Variants in SRP54 observed in about 807,000 individuals in gnomAD.
SRP54 encodes the protein signal recognition particle subunit SRP54.
A neutral mutation model predicts 64.8 loss-of-function variants in SRP54; 10 were observed. The observed-to-expected ratio is 0.15, with a 90% confidence interval of 0.10 to 0.26. SRP54 has a LOEUF of 0.26. SRP54 is among the 10% of genes least tolerant of loss of function. The pLI is 1.00. For synonymous variants in SRP54, 193 were observed against 185.6 expected, an observed-to-expected ratio of 1.04 and a Z score of -0.32; for missense variants, 325 against 613.7, an observed-to-expected ratio of 0.53 and a Z score of 4.97.
At chr14:34,989,107 G>C (rs2138961349) in intron 1 of SRP54, among the ~76,000 whole-genome samples, 1 of 152,246 alleles carries the variant, frequency 6.6e-6, no homozygotes, top group African/African-American at 2.4e-5. Flanking sequence ...TGAAGCCCCA[G>C]ATACAGAAGG....
At chr14:35,019,702 A>T (rs899726461) in intron 13 of SRP54, among the ~76,000 whole-genome samples, 2 of 152,278 alleles carry the variant, frequency 1.3e-5, no homozygotes, top group African/African-American at 2.4e-5. Context: ...TGCCTCAGAG[A>T]TACTGTGGGT....
chr14:35,013,929 A>T, intron 10 of SRP54, 27 bp downstream of exon 10: 1 of 1,477,270 alleles, frequency 6.8e-7, no homozygotes, highest in Non-Finnish European at 9.4e-7. Flanking sequence ...GGATATAGAA[A>T]AATCTCCAAG....
At position 34,996,704 on chromosome 14, in the gene SRP54, G is replaced by C; in HGVS notation, c.-6G>C. ...TTCTTCGTAAGTACATCTTAAAGCT[G>C]TCAAGATGGTTCTAGCAGACCTTGG... On this transcript the variant is annotated 5_prime_UTR_variant, in exon 2 of 16. Transcript: ENST00000216774. The C allele has an allele frequency of 6.2e-7, 1 of 1,607,814 alleles. No homozygotes were observed. Among genetic ancestry groups the C allele is most frequent in the Middle Eastern group, 1.7e-4 (1 of 6,048 alleles).
In SRP54 at chr14:34,995,150, T is replaced by G. The variant is rs1299509617; in HGVS notation, c.-33-1527T>G. Reference sequence around the variant, plus strand: ...TCAATAAAGGGTGTGTGTGTGTGTGTGTGTGTGTGTGTGTGTGTGTGTGTG... The same window carrying G: ...TCAATAAAGGGTGTGTGTGTGTGTGGGTGTGTGTGTGTGTGTGTGTGTGTG... On this transcript the variant is annotated intron_variant, in intron 1 of 15. Coordinates refer to ENST00000216774, the MANE Select transcript of SRP54 (RefSeq NM_003136.4). Among the ~76,000 whole-genome samples the G allele has an allele frequency of 1.5e-4, 18 of 122,304 alleles. 1 individual carries two copies. Among genetic ancestry groups the G allele is most frequent in the Non-Finnish European group, 2.5e-4 (13 of 51,914 alleles). The allele number at this position is 122,304 out of a possible 152,430, so 80.2% of individuals were successfully genotyped here.
In SRP54 at chr14:34,983,811, A is replaced by G. The variant is rs964068799; in HGVS notation, c.-34+596A>G. Among the ~76,000 whole-genome samples, 6 of 152,340 alleles carry G rather than the reference A, an allele frequency of 3.9e-5. No homozygotes were observed. In the East Asian group the frequency reaches 5.8e-4, roughly 15 times the overall value. ...CTACAAGGATACAGAAATGAATAAC[A>G]CTAACTCTGCCATTGAGAAGCTAAC... On this transcript the variant is annotated intron_variant, in intron 1 of 15. Coordinates refer to ENST00000216774, the MANE Select transcript of SRP54 (RefSeq NM_003136.4).
At chr14:35,001,175 CTT>C (rs10637082) in intron 4 of SRP54, among the ~76,000 whole-genome samples, 155 bp downstream of exon 4, 5 of 129,440 alleles carry the variant, frequency 3.9e-5, no homozygotes, top group East Asian at 2.3e-4. Flanking sequence ...TCTTAGGGAC[CTT>C]TTTTTTTTTT....
chr14:34,997,748 G>A (rs552562526), intron 2 of SRP54, among the ~76,000 whole-genome samples: 37 of 152,214 alleles, frequency 2.4e-4, no homozygotes, highest in Non-Finnish European at 4.9e-4. Context: ...AGTTTCATGT[G>A]ATTATTTATT....
At chr14:34,992,940 A>G (rs1052214218) in intron 1 of SRP54, among the ~76,000 whole-genome samples, 5 of 151,578 alleles carry the variant, frequency 3.3e-5, no homozygotes, top group South Asian at 2.1e-4. Flanking sequence ...GCTCATTGCA[A>G]CCTCCACCTC....
intron 3 of SRP54, among the ~76,000 whole-genome samples, chr14:35,000,327 G>A (rs935338055): frequency 1.1e-4 from 16 of 152,142 alleles, no homozygotes; most frequent in African/African-American, 3.9e-4. Context: ...CAGCACTTTG[G>A]GAGGCTGAGG....
chr14:35,010,702 T>G (rs1392579922), intron 7 of SRP54, among the ~76,000 whole-genome samples: 2 of 151,774 alleles, frequency 1.3e-5, no homozygotes, highest in Non-Finnish European at 1.5e-5. Flanking sequence ...GAGGCAGAAG[T>G]GGCAGTGAGC....
chr14:35,019,941 G>A (rs1241895699), intron 13 of SRP54, among the ~76,000 whole-genome samples: 2 of 152,224 alleles, frequency 1.3e-5, no homozygotes, highest in Non-Finnish European at 2.9e-5. Context: ...CCAGCACTTT[G>A]GGAGGCTGAG....
At chr14:35,011,793 G>A in intron 8 of SRP54, 134 bp downstream of exon 8, 1 of 714,186 alleles carries the variant, frequency 1.4e-6, no homozygotes, top group Non-Finnish European at 2.1e-6. Context: ...TTTGTTTTGG[G>A]CACCTATATC....
At chr14:35,010,914 T>A (rs1186360549) in intron 7 of SRP54, among the ~76,000 whole-genome samples, 1 of 152,180 alleles carries the variant, frequency 6.6e-6, no homozygotes, top group Non-Finnish European at 1.5e-5. Context: ...TATTTTTTCT[T>A]TTTTCACCCG....
Position 35,009,591 on chromosome 14 carries a change from A to AAG in SRP54, c.485+764_485+765dup, listed in dbSNP as rs550400370. 1.3e-4 allele frequency among the ~76,000 whole-genome samples: 20 copies of AAG among 152,236 alleles called. 1 individual carries two copies. The South Asian group carries it at 3.5e-3, about 27-fold the overall frequency. ...TAGGGATGAGATTAAACTTTTATGG[A>AAG]AGAGATTTGCCTCATAAAAGCAAAA... On this transcript the variant is annotated intron_variant, in intron 7 of 15. Coordinates refer to ENST00000216774, the MANE Select transcript of SRP54 (RefSeq NM_003136.4).
In SRP54 at chr14:35,013,338, CT is replaced by C. The variant is rs1566652306; in HGVS notation, c.637-5del. On this transcript the variant is annotated splice_polypyrimidine_tract_variant and splice_region_variant and intron_variant, in intron 8 of 15. Transcript: ENST00000216774. ...TTCTAAAGTATCTTTTCTATTTAAA[CT>C]TTCTAGCAACCTGATAACATTGTTT... The C allele has an allele frequency of 6.2e-7, 1 of 1,611,062 alleles. No homozygotes were observed. The highest frequency in any genetic ancestry group is 8.5e-7 in the Non-Finnish European group (1 of 1,178,976).
At chr14:35,007,691 AAAATAGATT>A (rs1454693895) in intron 5 of SRP54, among the ~76,000 whole-genome samples, 355 of 103,048 alleles carry the variant, frequency 3.4e-3, no homozygotes, top group Middle Eastern at 0.01. Flanking sequence ...ATATTTACAT[AAAATAGATT>A]TTATTAAAAT....
chr14:35,002,638 T>C (rs2044193389), intron 4 of SRP54, among the ~76,000 whole-genome samples: 2 of 150,810 alleles, frequency 1.3e-5, no homozygotes, highest in Admixed American at 6.6e-5. Flanking sequence ...GGTTTCACCA[T>C]GTTGGCCAGG....
At chr14:34,989,015 CAAG>C (rs2043946536) in intron 1 of SRP54, among the ~76,000 whole-genome samples, 1 of 152,020 alleles carries the variant, frequency 6.6e-6, no homozygotes, top group Non-Finnish European at 1.5e-5. Context: ...GGAATAATGA[CAAG>C]AAAAGTCTGT....
chr14:35,014,595 C>T, intron 10 of SRP54, 149 bp from the exon 11 acceptor site: 1 of 614,308 alleles, frequency 1.6e-6, no homozygotes, highest in South Asian at 2.1e-5. Context: ...ACTTAACTTT[C>T]TTAGCTTTGG....
Sources: gnomAD v4.1 joint callset for allele counts (sites outside exome capture counted in the v4.1 genomes callset) on GRCh38, gnomAD v4.1.1 for gene constraint, MANE v1.5 for transcripts, NCBI Gene and HGNC (gene_info 2026-07-23, HGNC 2026-07-21) for gene names.